Variants in TRHDE observed in about 807,000 individuals in gnomAD.
TRHDE encodes thyrotropin releasing hormone degrading enzyme, also known as thyrotropin-releasing hormone-degrading ectoenzyme.
TRHDE carries 72 observed loss-of-function variants against 125.7 expected under a neutral mutation model. The observed-to-expected ratio is 0.57, with a 90% confidence interval of 0.47 to 0.70. The LOEUF is 0.70. Among genes scored for constraint, TRHDE ranks in the 30% least tolerant of loss-of-function variants. TRHDE has a pLI of 0.00. For synonymous variants in TRHDE, 509 were observed against 509.1 expected (o/e 1.00, Z 0.00); for missense variants, 1,110 against 1,327.1 (o/e 0.84, Z 2.54).
intron 3 of TRHDE, among the ~76,000 whole-genome samples, chr12:72,393,453 G>A (rs1339426445): frequency 3.3e-5 from 5 of 152,088 alleles, no homozygotes; most frequent in Non-Finnish European, 7.3e-5. Flanking sequence ...AGAAATGCAG[G>A]GTGTGGGAGG....
At chr12:72,140,897 G>T (rs1385645815) in intron 2 of TRHDE, among the ~76,000 whole-genome samples, 1 of 152,174 alleles carries the variant, frequency 6.6e-6, no homozygotes, top group Non-Finnish European at 1.5e-5. Flanking sequence ...AGAAGGTGAG[G>T]AAGGAGTAGT....
At chr12:72,206,086 ATTTTTT>A (rs34424314) in intron 2 of TRHDE, among the ~76,000 whole-genome samples, 1 of 135,562 alleles carries the variant, frequency 7.4e-6, no homozygotes, top group African/African-American at 2.8e-5. Context: ...CAAAGGACAG[ATTTTTT>A]TTTTTTTTTT....
At chr12:72,144,507 A>G (rs1258433340) in intron 2 of TRHDE, among the ~76,000 whole-genome samples, 1 of 152,076 alleles carries the variant, frequency 6.6e-6, no homozygotes, top group Non-Finnish European at 1.5e-5. Context: ...TTCTCTTTCC[A>G]TGGTTCTCTT....
At chr12:72,097,076 T>C (rs1479282222) in intron 1 of TRHDE, among the ~76,000 whole-genome samples, 3 of 152,242 alleles carry the variant, frequency 2.0e-5, no homozygotes, top group Non-Finnish European at 4.4e-5. Context: ...GTTTGGATTG[T>C]TCTCTATCAA....
At chr12:72,426,704 C>T (rs1223885354) in intron 3 of TRHDE, among the ~76,000 whole-genome samples, 1 of 148,092 alleles carries the variant, frequency 6.8e-6, no homozygotes, top group African/African-American at 2.5e-5. Flanking sequence ...ATATGGCAAC[C>T]ACAAAAATAG....
intron 1 of TRHDE, among the ~76,000 whole-genome samples, chr12:72,274,294 G>A (rs965572175): frequency 2.0e-5 from 3 of 152,220 alleles, no homozygotes; most frequent in African/African-American, 7.2e-5. Flanking sequence ...GATGATTCCA[G>A]TGGCCAAGCG....
At chr12:72,161,488 T>A (rs1411594813) in intron 2 of TRHDE, among the ~76,000 whole-genome samples, 1 of 152,064 alleles carries the variant, frequency 6.6e-6, no homozygotes, top group Admixed American at 6.6e-5. Context: ...ATATCTGTGA[T>A]GTTAGCTATA....
intron 3 of TRHDE, among the ~76,000 whole-genome samples, chr12:72,413,523 G>A (rs10748195): frequency 0.31 from 46,913 of 151,284 alleles, 9,800 homozygotes; most frequent in African/African-American, 0.57. Flanking sequence ...ATTATTATTA[G>A]CTCTACCTAT....
At chr12:72,297,217 C>T (rs115268704) in intron 2 of TRHDE, among the ~76,000 whole-genome samples, 1,563 of 151,956 alleles carry the variant, frequency 0.01, 28 homozygotes, top group African/African-American at 0.036. Flanking sequence ...CCATGGTACC[C>T]GGAGAAGCAG....
At chr12:72,592,354 T>C (rs558749506) in intron 12 of TRHDE, among the ~76,000 whole-genome samples, 1 of 152,230 alleles carries the variant, frequency 6.6e-6, no homozygotes, top group African/African-American at 2.4e-5. Context: ...GAGTTTTACA[T>C]ACCATGAGTA....
At chr12:72,348,577 G>A (rs1176492182) in intron 2 of TRHDE, among the ~76,000 whole-genome samples, 1 of 151,928 alleles carries the variant, frequency 6.6e-6, no homozygotes, top group Non-Finnish European at 1.5e-5. Flanking sequence ...ATCTCTGTTT[G>A]CCCTACTCTT....
chr12:72,301,958 G>T lies in TRHDE; in HGVS notation c.1188+15004G>T, dbSNP rs1295866769. ...TGCTATTTCTGTTATAATACTGCTA[G>T]ATCTCCCAGCATAGTGCTACAGTGG... On this transcript the variant is annotated intron_variant, in intron 2 of 18. Transcript: ENST00000261180. 2.0e-5 allele frequency among the ~76,000 whole-genome samples: 3 copies of T among 152,216 alleles called. No homozygotes were observed. The East Asian group carries it at 5.8e-4, about 29-fold the overall frequency.
At chr12:72,622,205 CT>C (rs1229702318) in intron 15 of TRHDE, among the ~76,000 whole-genome samples, 1 of 151,884 alleles carries the variant, frequency 6.6e-6, no homozygotes, top group Non-Finnish European at 1.5e-5. Flanking sequence ...AAGATCTTTC[CT>C]TTTTCAGTGA....
At chr12:72,413,746 A>G (rs186331554) in intron 3 of TRHDE, among the ~76,000 whole-genome samples, 2 of 152,192 alleles carry the variant, frequency 1.3e-5, no homozygotes, top group Admixed American at 1.3e-4. Context: ...GTTCATGAGC[A>G]TCACCATCCT....
At chr12:72,475,234 C>A (rs1171728171) in intron 5 of TRHDE, among the ~76,000 whole-genome samples, 9 of 152,094 alleles carry the variant, frequency 5.9e-5, no homozygotes, top group African/African-American at 2.2e-4. Flanking sequence ...TTTTTGATGA[C>A]TTTCCACCAA....
chr12:72,089,437 C>T (rs1874741790), intron 1 of TRHDE, among the ~76,000 whole-genome samples: 1 of 152,166 alleles, frequency 6.6e-6, no homozygotes, highest in Admixed American at 6.5e-5. Flanking sequence ...ACTTCTCCGG[C>T]CTCATTACTT....
chr12:72,233,668 GATAA>G (rs781339642), intron 2 of TRHDE, among the ~76,000 whole-genome samples: 41 of 152,228 alleles, frequency 2.7e-4, no homozygotes, highest in Admixed American at 1.8e-3. Flanking sequence ...GCATTTCACT[GATAA>G]ATAAGAAACA....
chr12:72,154,574 T>G (rs1448298659), intron 2 of TRHDE, among the ~76,000 whole-genome samples: 3 of 152,234 alleles, frequency 2.0e-5, no homozygotes, highest in African/African-American at 7.2e-5. Flanking sequence ...CAGGAGCTCT[T>G]TTAGGGCAGG....
chr12:72,114,913 T>C (rs1258180530), intron 2 of TRHDE, among the ~76,000 whole-genome samples: 1 of 152,128 alleles, frequency 6.6e-6, no homozygotes, highest in African/African-American at 2.4e-5. Context: ...TTGGGTTAAC[T>C]ACAAGATAAA....
Sources: allele counts gnomAD v4.1 joint callset (sites outside exome capture counted in the v4.1 genomes callset), GRCh38; gene constraint gnomAD v4.1.1; transcripts MANE v1.5; gene names NCBI Gene and HGNC (gene_info 2026-07-23, HGNC 2026-07-21).